The following KIF5C variants were observed in gnomAD, a reference collection of about 807,000 sequenced individuals.
KIF5C encodes the protein kinesin family member 5C.
In KIF5C, 18 loss-of-function variants were observed where a neutral mutation model predicts 125.2. The observed-to-expected ratio is 0.14, with a 90% CI of 0.10 to 0.21. KIF5C has a LOEUF of 0.21. Ranked by LOEUF, KIF5C falls within the 10% of genes least tolerant of loss-of-function variation. The pLI, the probability that KIF5C is intolerant of heterozygous loss-of-function variation, is 1.00. For missense variants in KIF5C, 780 were observed against 1,183.8 expected (o/e 0.66, Z 5.01); for synonymous variants, 405 against 434.0 (o/e 0.93, Z 0.83).
intron 1 of KIF5C, among the ~76,000 whole-genome samples, chr2:148,899,702 C>CAAAAAAA (rs771196518): frequency 1.1e-4 from 5 of 46,046 alleles, no homozygotes; most frequent in East Asian, 6.2e-4. Flanking sequence ...AACTCCATCT[C>CAAAAAAA]AAAAAAAAAA....
At chr2:148,984,784 GTTTATTTA>G (rs201450383) in intron 15 of KIF5C, among the ~76,000 whole-genome samples, 1 of 151,830 alleles carries the variant, frequency 6.6e-6, no homozygotes, top group African/African-American at 2.4e-5. Flanking sequence ...TTGGTTATTT[GTTTATTTA>G]TTTATTTATT....
intron 10 of KIF5C, among the ~76,000 whole-genome samples, chr2:148,950,848 T>A (rs968719414): frequency 6.6e-6 from 1 of 151,480 alleles, no homozygotes; most frequent in Non-Finnish European, 1.5e-5. Context: ...GGGGCTATTG[T>A]CAGAGAATCA....
chr2:149,003,956 G>A (rs1681930777), intron 21 of KIF5C, among the ~76,000 whole-genome samples: 1 of 152,218 alleles, frequency 6.6e-6, no homozygotes, highest in East Asian at 1.9e-4. Context: ...CAGGGTGGGC[G>A]CAGGTGTTAA....
At chr2:149,022,346 G>A (rs1174855049) in intron 25 of KIF5C, among the ~76,000 whole-genome samples, 1 of 152,074 alleles carries the variant, frequency 6.6e-6, no homozygotes, top group Non-Finnish European at 1.5e-5. Flanking sequence ...TCAGGAAATC[G>A]GAGGTTGTGC....
intron 11 of KIF5C, among the ~76,000 whole-genome samples, chr2:148,969,845 G>A (rs1680853217): frequency 6.6e-6 from 1 of 152,130 alleles, no homozygotes; most frequent in Non-Finnish European, 1.5e-5. Context: ...ACAATCCCCA[G>A]ACGTGTTTGT....
At chr2:149,011,325 GC>G (rs971990846) in intron 24 of KIF5C, among the ~76,000 whole-genome samples, 2 of 152,148 alleles carry the variant, frequency 1.3e-5, no homozygotes, top group Non-Finnish European at 2.9e-5. Flanking sequence ...ACTTTTCTTG[GC>G]CCAAATTAGA....
At position 148,883,324 on chromosome 2, in the gene KIF5C, AC is replaced by A. The variant is rs572034147; in HGVS notation, c.126+7584del. ...AGACCATCCTGGCTAACATGGTGAA[AC>A]CCTGTCTCTACTAAAAATACAAAAA... On this transcript the variant is annotated intron_variant, in intron 1 of 25. Transcript: ENST00000435030. Among the ~76,000 whole-genome samples, 70 of 152,064 alleles carry A rather than the reference AC, an allele frequency of 4.6e-4. 1 individual carries two copies. In the South Asian group the frequency reaches 0.014, roughly 31 times the overall value.
chr2:148,944,571 T>C (rs1682481526), intron 7 of KIF5C, among the ~76,000 whole-genome samples: 1 of 152,252 alleles, frequency 6.6e-6, no homozygotes, highest in South Asian at 2.1e-4. Context: ...TTCCACATTT[T>C]GGCAGTTGTG....
At chr2:149,000,591 A>T (rs1681818751) in intron 20 of KIF5C, 67 bp downstream of exon 20, 2 of 1,561,610 alleles carry the variant, frequency 1.3e-6, no homozygotes, top group Non-Finnish European at 1.7e-6. Flanking sequence ...AGATTGGGCT[A>T]ATTTAAAAAC....
At chr2:148,943,488 T>A (rs1328112423) in intron 7 of KIF5C, among the ~76,000 whole-genome samples, 2 of 152,222 alleles carry the variant, frequency 1.3e-5, no homozygotes, top group East Asian at 3.9e-4. Context: ...ATAGCTTGCA[T>A]GAGGGAAAAA....
chr2:148,994,160 A>T (rs2105176770), intron 16 of KIF5C, among the ~76,000 whole-genome samples: 1 of 152,168 alleles, frequency 6.6e-6, no homozygotes, highest in East Asian at 1.9e-4. Flanking sequence ...TTGGCATCTC[A>T]TGTTAACTGG....
intron 1 of KIF5C, among the ~76,000 whole-genome samples, chr2:148,910,138 C>T (rs1320392496): frequency 6.6e-6 from 1 of 152,130 alleles, no homozygotes; most frequent in Non-Finnish European, 1.5e-5. Context: ...ATAAATGCTG[C>T]AGGGAATCCA....
intron 15 of KIF5C, among the ~76,000 whole-genome samples, chr2:148,987,592 C>A (rs547276912): frequency 6.6e-6 from 1 of 152,238 alleles, no homozygotes; most frequent in South Asian, 2.1e-4. Flanking sequence ...CCAGGCGTTT[C>A]CAACTTCCCA....
chr2:149,003,675 A>G (rs1389363221), intron 21 of KIF5C, among the ~76,000 whole-genome samples: 1 of 152,268 alleles, frequency 6.6e-6, no homozygotes, highest in Admixed American at 6.5e-5. Context: ...CACAGTGTGC[A>G]TAAATAAAAG....
chr2:148,921,655 G>C lies in KIF5C; in HGVS notation c.127-482G>C, dbSNP rs74589220. Among the ~76,000 whole-genome samples the C allele has an allele frequency of 6.8e-3, 1,029 of 152,210 alleles. 17 individuals are homozygous for C. The highest frequency in any genetic ancestry group is 0.065 in the Middle Eastern group (19 of 294). ...CACTTAAGTGGTCCTTCTTCACCAGGCTTTCCTTGCCCTCTCTAGCATTCC... is the reference window on the plus strand; with the variant it reads ...CACTTAAGTGGTCCTTCTTCACCAGCCTTTCCTTGCCCTCTCTAGCATTCC... On this transcript the variant is annotated intron_variant, in intron 1 of 25. Coordinates refer to ENST00000435030, the MANE Select transcript of KIF5C (RefSeq NM_004522.3).
rs1681909964 is a variant in KIF5C at position 148,924,393 on chromosome 2, A to G, written c.217+2166A>G. Among the ~76,000 whole-genome samples, 1 of 152,170 alleles carries G rather than the reference A, an allele frequency of 6.6e-6. No homozygotes were observed. Among genetic ancestry groups the G allele is most frequent in the Non-Finnish European group, 1.5e-5 (1 of 68,022 alleles). ...AGGAGCATTCCTTTCAAGTCCATCT[A>G]AACTCTTAATGATTTGGAGCATCTG... On this transcript the variant is annotated intron_variant, in intron 2 of 25. Coordinates refer to ENST00000435030, the MANE Select transcript of KIF5C (RefSeq NM_004522.3). This position sits in a 1 kb window ranked among gnomAD's most constrained non-coding sequence, Gnocchi z 4.0.
chr2:148,994,983 G>A (rs1359176931), intron 17 of KIF5C, among the ~76,000 whole-genome samples: 4 of 152,056 alleles, frequency 2.6e-5, no homozygotes, highest in African/African-American at 7.2e-5. Context: ...GTCAGCCACC[G>A]TGCCCAGCCT....
intron 9 of KIF5C, 83 bp downstream of exon 9, chr2:148,950,026 C>A: frequency 6.7e-7 from 1 of 1,497,928 alleles, no homozygotes; most frequent in East Asian, 2.4e-5. Flanking sequence ...CCACACACCC[C>A]AAAGGCTGGT....
chr2:148,956,881 C>T (rs1406861616), intron 10 of KIF5C, among the ~76,000 whole-genome samples: 1 of 152,166 alleles, frequency 6.6e-6, no homozygotes, highest in African/African-American at 2.4e-5. Flanking sequence ...TGTGAATGAT[C>T]AGGCCACTTT....
Sources: gnomAD v4.1 joint callset for allele counts (sites outside exome capture counted in the v4.1 genomes callset) on GRCh38, gnomAD v4.1.1 for gene constraint, Gnocchi (gnomAD v3.1) non-coding constraint, MANE v1.5 for transcripts, NCBI Gene and HGNC (gene_info 2026-07-23, HGNC 2026-07-21) for gene names.